The following MALT1 variants were observed in gnomAD, a reference collection of about 807,000 sequenced individuals.
MALT1 encodes MALT1 paracaspase.
In MALT1, 36 loss-of-function variants were observed where a neutral mutation model predicts 85.5. That is an observed-to-expected ratio of 0.42 (90% CI 0.32 to 0.56). The LOEUF is 0.56. Ranked by LOEUF, MALT1 falls within the 20% of genes least tolerant of loss-of-function variation. MALT1 has a pLI of 0.10. For missense variants in MALT1, 716 were observed against 981.6 expected (o/e 0.73, Z 3.62); for synonymous variants, 359 against 361.3 (o/e 0.99, Z 0.07).
At chr18:58,718,337 T>G (rs2054932356) in intron 9 of MALT1, among the ~76,000 whole-genome samples, 2 of 152,232 alleles carry the variant, frequency 1.3e-5, no homozygotes, top group Admixed American at 1.3e-4. Context: ...TCATCTGTGC[T>G]TTATGACAGG....
Position 58,723,119 on chromosome 18 carries a change from G to A in MALT1, c.1090G>A (p.Val364Met), listed in dbSNP as rs1020406264. Residue 364 changes from valine (V) to methionine (M), a missense_variant, in exon 10 of 17, where the codon GTG (valine) becomes ATG (methionine). This residue lies in a region of MALT1 where 290 missense variants were observed against 380.5 expected (regional missense o/e 0.76). Transcript: ENST00000649217. ...REHPKLKAPL[V>M]DVYELTNLLR... ...GCACCCCAAGCTCAAAGCTCCTTTG[G>A]TGGATGTGTACGAATTGACTAACTT... The A allele has an allele frequency of 1.9e-6, 3 of 1,613,736 alleles. No homozygotes were observed. The highest frequency in any genetic ancestry group is 2.5e-6 in the Non-Finnish European group (3 of 1,179,918).
intron 13 of MALT1, among the ~76,000 whole-genome samples, chr18:58,735,587 C>T (rs1009748478): frequency 1.1e-4 from 17 of 152,000 alleles, no homozygotes; most frequent in African/African-American, 3.6e-4. Flanking sequence ...AGCCTCGGCA[C>T]AGTCATTAAT....
At chr18:58,688,765 C>A (rs539327259) in intron 2 of MALT1, among the ~76,000 whole-genome samples, 1 of 152,040 alleles carries the variant, frequency 6.6e-6, no homozygotes, top group South Asian at 2.1e-4. Flanking sequence ...TGAGCCGTGT[C>A]CTGGTGTGGG....
chr18:58,748,700 TGAGATA>T lies in MALT1; in HGVS notation c.*859_*864del, dbSNP rs2055406852. The T allele has an allele frequency of 5.1e-6, 1 of 194,326 alleles. No individual in the cohort carries two copies. The highest frequency in any genetic ancestry group is 1.9e-4 in the South Asian group (1 of 5,188). The allele number at this position is 194,326 out of a possible 1,614,324, so 12.0% of individuals were successfully genotyped here. On this transcript the variant is annotated 3_prime_UTR_variant, in exon 17 of 17. Coordinates refer to ENST00000649217, the MANE Select transcript of MALT1 (RefSeq NM_006785.4). ...TTCTTCTTGAATTTCACTGGCCTAA[TGAGATA>T]ATACTCTTATCTTTGGCTCTACCTA...
intron 2 of MALT1, among the ~76,000 whole-genome samples, chr18:58,683,565 A>G (rs926977043): frequency 6.6e-6 from 1 of 152,238 alleles, no homozygotes; most frequent in African/African-American, 2.4e-5. Context: ...ATTGAGTCAT[A>G]TATTTACTTA....
chr18:58,678,108 C>T (rs1230771373), intron 1 of MALT1, among the ~76,000 whole-genome samples: 1 of 152,038 alleles, frequency 6.6e-6, no homozygotes, highest in Non-Finnish European at 1.5e-5. Context: ...TTCTAACAAC[C>T]CTATGAGGTA....
At chr18:58,713,829 A>G (rs2054864991) in intron 7 of MALT1, among the ~76,000 whole-genome samples, 1 of 152,218 alleles carries the variant, frequency 6.6e-6, no homozygotes, top group South Asian at 2.1e-4. Context: ...CTATGAATAA[A>G]TTATGAAAGA....
chr18:58,711,071 G>T (rs951185244), intron 7 of MALT1, 118 bp downstream of exon 7: 34 of 559,292 alleles, frequency 6.1e-5, no homozygotes, highest in African/African-American at 5.8e-4. Flanking sequence ...TGTAAGAAAT[G>T]ATTTTGATTG....
rs1358327208 is a variant in MALT1, at chr18:58,709,433, C to A, written c.705C>A (p.Ser235=). Reference sequence around the variant, plus strand: ...TGCAAATCTGTGTTGAACCAACTTCCCAAAAGCTGATGCCAGGCAGCACAT... The same window carrying A: ...TGCAAATCTGTGTTGAACCAACTTCACAAAAGCTGATGCCAGGCAGCACAT... The part of the protein sequence containing the change: ...SKLQICVEPT[S]QKLMPGSTLV... The change falls in exon 5 of 17, where the codon TCC becomes TCA. Residue 235 remains serine, a synonymous_variant. Coordinates refer to ENST00000649217, the MANE Select transcript of MALT1 (RefSeq NM_006785.4). The A allele has an allele frequency of 1.2e-6, 2 of 1,611,896 alleles. No homozygotes were observed. Among genetic ancestry groups the A allele is most frequent in the East Asian group, 2.2e-5 (1 of 44,754 alleles).
chr18:58,695,682 T>C (rs60912902), intron 2 of MALT1, among the ~76,000 whole-genome samples: 8,163 of 152,238 alleles, frequency 0.054, 346 homozygotes, highest in East Asian at 0.22. Context: ...GGGAAGTCCG[T>C]GATCAAAGAA....
intron 4 of MALT1, among the ~76,000 whole-genome samples, chr18:58,702,965 G>A (rs968520397): frequency 2.6e-5 from 4 of 152,206 alleles, no homozygotes; most frequent in African/African-American, 7.2e-5. Flanking sequence ...GAAGGATAGG[G>A]AGGAAAACAC....
chr18:58,740,739 G>A (rs1167005575), intron 13 of MALT1, among the ~76,000 whole-genome samples: 3 of 151,258 alleles, frequency 2.0e-5, no homozygotes, highest in East Asian at 3.9e-4. Context: ...TATTTTTGTA[G>A]TAACTGGTTG....
chr18:58,693,887 C>G (rs549736414), intron 2 of MALT1, among the ~76,000 whole-genome samples: 29 of 152,152 alleles, frequency 1.9e-4, no homozygotes, highest in Non-Finnish European at 4.1e-4. Flanking sequence ...TACTTGTTCT[C>G]TTTTGTCATT....
At position 58,747,961 on chromosome 18, in the gene MALT1, CTG is replaced by C. The variant is rs1602347712; in HGVS notation, c.*121_*122del. 3 of 712,964 alleles carry C rather than the reference CTG, an allele frequency of 4.2e-6. No individual in the cohort carries two copies. Among genetic ancestry groups the C allele is most frequent in the Admixed American group, 2.7e-5 (1 of 37,484 alleles). 44.2% of individuals were successfully genotyped at this position (712,964 alleles called of 1,614,324 possible). On this transcript the variant is annotated 3_prime_UTR_variant, in exon 17 of 17. Transcript: ENST00000649217. Reference sequence around the variant, plus strand: ...ATATGTAGAGAAAGAATAGTAGTAACTGTTTCATAGCAAACTTCAGGACTTTG... The same window carrying C: ...ATATGTAGAGAAAGAATAGTAGTAACTTTCATAGCAAACTTCAGGACTTTG...
chr18:58,733,543 A>C lies in MALT1; in HGVS notation c.1369A>C (p.Asn457His), dbSNP rs2055183379. 1 of 1,609,548 alleles carries C rather than the reference A, an allele frequency of 6.2e-7. No individual in the cohort carries two copies. The highest frequency in any genetic ancestry group is 8.5e-7 in the Non-Finnish European group (1 of 1,177,660). Residue 457 changes from asparagine to histidine, a missense_variant, in exon 11 of 17, where the codon AAT becomes CAT. This residue lies in a region of MALT1 where 86 missense variants were observed against 212.3 expected (regional missense o/e 0.41). Transcript: ENST00000649217. ...KLMQEKETGL[N>H]VFLLDMCRKR... The stretch of plus-strand genomic sequence containing the variant: ...GATGCAAGAAAAAGAAACTGGACTT[A>C]ATGTGTTCTTATTGGATATGTGTAG...
At chr18:58,703,292 G>A (rs1602303496) in intron 4 of MALT1, among the ~76,000 whole-genome samples, 2 of 152,220 alleles carry the variant, frequency 1.3e-5, no homozygotes, top group East Asian at 3.9e-4. Flanking sequence ...AGGGGGCGGA[G>A]GTTGCAGTGA....
At chr18:58,739,800 TAC>T (rs2055276545) in intron 13 of MALT1, among the ~76,000 whole-genome samples, 1 of 90,306 alleles carries the variant, frequency 1.1e-5, no homozygotes, top group South Asian at 4.3e-4. Context: ...TCCCTCTATG[TAC>T]ACACATACAC....
chr18:58,696,800 C>A (rs916673562), intron 3 of MALT1, among the ~76,000 whole-genome samples: 1 of 152,202 alleles, frequency 6.6e-6, no homozygotes, highest in African/African-American at 2.4e-5. Flanking sequence ...AAACTCTTCA[C>A]AACAGATTAT....
At chr18:58,671,997 G>A (rs571572816) in intron 1 of MALT1, 145 bp downstream of exon 1, 1 of 479,702 alleles carries the variant, frequency 2.1e-6, no homozygotes, top group South Asian at 1.1e-4. Context: ...CGGTCATTGA[G>A]GCGGAGCGGA....
Sources: allele counts gnomAD v4.1 joint callset (sites outside exome capture counted in the v4.1 genomes callset), GRCh38; gene constraint gnomAD v4.1.1; regional missense constraint gnomAD v4.1.1; transcripts MANE v1.5; gene names NCBI Gene and HGNC (gene_info 2026-07-23, HGNC 2026-07-21).